ERAP1: variants seen among roughly 807,000 people sequenced by gnomAD.
The protein encoded by ERAP1 is endoplasmic reticulum aminopeptidase 1.
Under a neutral mutation model 103.7 loss-of-function variants are expected in ERAP1, and 86 were observed. The observed-to-expected ratio is 0.83, with a 90% CI of 0.70 to 0.99. ERAP1 has a LOEUF of 0.99. ERAP1 is among the 50% of genes least tolerant of loss of function. ERAP1 has a pLI of 0.00. For synonymous variants in ERAP1, 398 were observed against 402.4 expected, an observed-to-expected ratio of 0.99 and a Z score of 0.13; for missense variants, 1,009 against 1,128.4, an observed-to-expected ratio of 0.89 and a Z score of 1.52.
In ERAP1 at chr5:96,783,063, T is replaced by C. The variant is rs766054149; in HGVS notation, c.2273A>G (p.Asn758Ser). Residue 758 changes from asparagine (N) to serine (S), a missense_variant, in exon 15 of 19, where the codon AAT (asparagine) becomes AGT (serine). By Grantham distance (46) the Asn-to-Ser change is conservative. Transcript: ENST00000443439. ...EGYFRKWKES[N>S]GNLSLPVDVT... ...AGTAAGGACTGACCTCAAGTTTCCA[T>C]TGGATTCCTTCCACTTTCTGAAATA... 1.5e-5 allele frequency: 24 copies of C among 1,614,120 alleles called. No homozygotes were observed. Among genetic ancestry groups the C allele is most frequent in the South Asian group, 8.8e-5 (8 of 91,088 alleles).
chr5:96,884,054 CTATCT>C, the ERAP1 span: 1,757 of 583,580 alleles, frequency 3.0e-3, 6 homozygotes, highest in Middle Eastern at 4.3e-3. Context: ...ATCTATCTAT[CTATCT>C]ATCTATCTAT....
chr5:96,821,822 C>A, the ERAP1 span, among the ~76,000 whole-genome samples: 2 of 152,130 alleles, frequency 1.3e-5, no homozygotes, highest in African/African-American at 4.8e-5. Flanking sequence ...TATAGGAAAT[C>A]TTCATTTATG....
chr5:96,762,225 C>T (rs1561605578), exon 20 of ERAP1: 9 of 1,246,402 alleles, frequency 7.2e-6, no homozygotes, highest in South Asian at 1.4e-5. Context: ...GCATTGTGCT[C>T]ATAATTTTAT....
At chr5:96,892,350 T>C in the ERAP1 span, 1 of 1,614,042 alleles carries the variant, frequency 6.2e-7, no homozygotes, top group Non-Finnish European at 8.5e-7. Context: ...AATTGGGGCC[T>C]CATTACATAT....
the ERAP1 span, among the ~76,000 whole-genome samples, chr5:96,848,390 T>C: frequency 2.0e-5 from 3 of 152,178 alleles, no homozygotes; most frequent in South Asian, 2.1e-4. Context: ...ACTGATAAAC[T>C]CTTAGCTGGA....
chr5:96,911,259 T>C, the ERAP1 span, among the ~76,000 whole-genome samples: 1 of 152,214 alleles, frequency 6.6e-6, no homozygotes, highest in African/African-American at 2.4e-5. Flanking sequence ...GTACAATCTC[T>C]ACCATATGGT....
chr5:96,768,083 C>T (rs150256309), intron 19 of ERAP1: 17 of 902,022 alleles, frequency 1.9e-5, no homozygotes, highest in Non-Finnish European at 2.9e-5. Context: ...ATTGATTGAT[C>T]TATCTATCGG....
intron 12 of ERAP1, 54 bp from the exon 13 acceptor site, chr5:96,786,025 C>T (rs769071903): frequency 5.2e-6 from 8 of 1,547,690 alleles, no homozygotes; most frequent in Non-Finnish European, 7.1e-6. Flanking sequence ...CTGAAGAAAG[C>T]TTTTCTCATC....
the ERAP1 span, among the ~76,000 whole-genome samples, chr5:96,916,640 A>G: frequency 6.8e-6 from 1 of 147,204 alleles, no homozygotes; most frequent in Admixed American, 6.8e-5. Context: ...ATTTTTTTGT[A>G]TTTTTTTTTA....
chr5:96,821,595 T>A, the ERAP1 span, among the ~76,000 whole-genome samples: 1 of 152,246 alleles, frequency 6.6e-6, no homozygotes, highest in South Asian at 2.1e-4. Context: ...GTCCTAGACC[T>A]AGAAGGAGCA....
Position 96,777,287 on chromosome 5 carries a change from GTTA to G in ERAP1, c.2671-739_2671-737del, listed in dbSNP as rs1343799160. 1.2e-4 allele frequency among the ~76,000 whole-genome samples: 18 copies of G among 152,244 alleles called. No homozygotes were observed. In the South Asian group the frequency reaches 1.2e-3, roughly 11 times the overall value. On this transcript the variant is annotated intron_variant, in intron 18 of 18. Transcript: ENST00000443439. Reference sequence around the variant, plus strand: ...GTGCGATTCTGTTTCACCTTAAAGGGTTATTATCCTTTTCCCATAAATTTTCAC... The same window carrying G: ...GTGCGATTCTGTTTCACCTTAAAGGGTTATCCTTTTCCCATAAATTTTCAC...
chr5:96,925,614 C>A, the ERAP1 span, among the ~76,000 whole-genome samples: 1 of 152,220 alleles, frequency 6.6e-6, no homozygotes, highest in African/African-American at 2.4e-5. Context: ...TTTCGGGGAA[C>A]AATGCCCAGA....
At chr5:96,925,779 T>C in the ERAP1 span, among the ~76,000 whole-genome samples, 2 of 152,236 alleles carry the variant, frequency 1.3e-5, no homozygotes, top group South Asian at 2.1e-4. Context: ...GAATTTTCTA[T>C]AGCATTTCTG....
the ERAP1 span, among the ~76,000 whole-genome samples, chr5:96,834,888 C>T: frequency 6.6e-6 from 1 of 152,150 alleles, no homozygotes; most frequent in Non-Finnish European, 1.5e-5. Context: ...ATAATACTTA[C>T]CCAGTAATAG....
chr5:96,788,040 C>G (rs1346059525), intron 11 of ERAP1, among the ~76,000 whole-genome samples: 1 of 152,050 alleles, frequency 6.6e-6, no homozygotes, highest in Admixed American at 6.6e-5. Context: ...TAACGGTATC[C>G]ATCCAGGGTC....
At position 96,775,262 on chromosome 5, in the gene ERAP1, A is replaced by G; in HGVS notation, c.*1134T>C. 1 of 865,956 alleles carries G rather than the reference A, an allele frequency of 1.2e-6. No individual in the cohort carries two copies. Among genetic ancestry groups the G allele is most frequent in the Non-Finnish European group, 1.3e-6 (1 of 763,748 alleles). The allele number at this position is 865,956 out of a possible 1,614,324, so 53.6% of individuals were successfully genotyped here. On this transcript the variant is annotated 3_prime_UTR_variant, in exon 19 of 19. Transcript: ENST00000443439. ...TGAAGCAACCGTGTGTGAAGTCTTC[A>G]CAAAAGAAAGAAAGACTTCAAAGCC...
At chr5:96,819,811 G>A in the ERAP1 span, among the ~76,000 whole-genome samples, 1 of 152,158 alleles carries the variant, frequency 6.6e-6, no homozygotes, top group African/African-American at 2.4e-5. Flanking sequence ...AGTATTTTGT[G>A]AGTGAAGTCA....
chr5:96,881,581 A>ATT, the ERAP1 span: 1 of 436,640 alleles, frequency 2.3e-6, no homozygotes, highest in South Asian at 1.6e-5. Flanking sequence ...ACAGGGGCAT[A>ATT]TTTTTCTCAT....
At chr5:96,772,174 T>C (rs1772643579), downstream of ERAP1, 1 of 153,830 alleles carries the variant, frequency 6.5e-6, no homozygotes, top group Admixed American at 6.5e-5. Context: ...AAGGAAAAGA[T>C]TGGCCATTTT....
Sources: allele counts gnomAD v4.1 joint callset (sites outside exome capture counted in the v4.1 genomes callset), GRCh38; gene constraint gnomAD v4.1.1; transcripts MANE v1.5; gene names NCBI Gene and HGNC (gene_info 2026-07-23, HGNC 2026-07-21).